Variants in SLC44A5 observed in about 807,000 individuals in gnomAD.
SLC44A5 encodes the protein choline transporter-like protein 5.
A neutral mutation model predicts 101.8 loss-of-function variants in SLC44A5; 57 were observed. The ratio of observed to expected loss-of-function variants is 0.56; its 90% CI spans 0.45 to 0.70. The LOEUF (loss-of-function observed/expected upper bound fraction) is 0.70, where lower values mean the gene tolerates loss of function less well. SLC44A5 is among the 30% of genes least tolerant of loss of function. SLC44A5 has a pLI of 0.00. For synonymous variants in SLC44A5, 281 were observed against 290.9 expected (o/e 0.97, Z 0.35); for missense variants, 737 against 853.1 (o/e 0.86, Z 1.70).
chr1:75,424,987 G>A (rs1664223729), intron 2 of SLC44A5, among the ~76,000 whole-genome samples: 1 of 152,144 alleles, frequency 6.6e-6, no homozygotes, highest in African/African-American at 2.4e-5. Context: ...TTTGGTGGTA[G>A]GAAGCATTTA....
intron 10 of SLC44A5, among the ~76,000 whole-genome samples, chr1:75,237,530 A>G (rs1201767501): frequency 6.6e-6 from 1 of 152,092 alleles, no homozygotes; most frequent in Non-Finnish European, 1.5e-5. Context: ...AAGTGAACAC[A>G]TTTATGTAAC....
chr1:75,269,215 C>T (rs549559702), intron 6 of SLC44A5, among the ~76,000 whole-genome samples: 1 of 151,856 alleles, frequency 6.6e-6, no homozygotes, highest in South Asian at 2.1e-4. Context: ...CATTATTGGC[C>T]ATTATATTAT....
chr1:75,395,921 T>G (rs1020906689), intron 3 of SLC44A5, among the ~76,000 whole-genome samples: 5 of 152,138 alleles, frequency 3.3e-5, no homozygotes, highest in African/African-American at 1.2e-4. Context: ...GTAAAAGTAC[T>G]TATTTATATA....
chr1:75,388,510 G>A (rs887537975), intron 3 of SLC44A5, among the ~76,000 whole-genome samples: 7 of 152,232 alleles, frequency 4.6e-5, no homozygotes, highest in Admixed American at 4.6e-4. Context: ...TCCATGTGCA[G>A]TGGCTCATGC....
At chr1:75,256,519 T>G (rs1176887300) in intron 6 of SLC44A5, among the ~76,000 whole-genome samples, 1 of 152,144 alleles carries the variant, frequency 6.6e-6, no homozygotes, top group Non-Finnish European at 1.5e-5. Flanking sequence ...GGCCTGACAG[T>G]GAATACAGTT....
intron 2 of SLC44A5, among the ~76,000 whole-genome samples, chr1:75,513,908 C>T (rs1669691307): frequency 6.6e-6 from 1 of 152,202 alleles, no homozygotes; most frequent in African/African-American, 2.4e-5. Context: ...TCATAGTTCA[C>T]TGCAGCCTTG....
At chr1:75,396,731 C>T (rs1662149470) in intron 2 of SLC44A5, 110 bp from the exon 3 acceptor site, 1 of 821,192 alleles carries the variant, frequency 1.2e-6, no homozygotes, top group South Asian at 1.4e-5. Flanking sequence ...GACTAACACA[C>T]AAAATAACAT....
chr1:75,407,609 G>A (rs577805841), intron 2 of SLC44A5, among the ~76,000 whole-genome samples: 1 of 152,266 alleles, frequency 6.6e-6, no homozygotes, highest in African/African-American at 2.4e-5. Context: ...AAGCAATGGG[G>A]AAAGGATTCC....
At chr1:75,521,997 G>A (rs1670155251) in intron 2 of SLC44A5, 1 of 152,352 alleles carries the variant, frequency 6.6e-6, no homozygotes, top group African/African-American at 2.4e-5. Context: ...AAAACAGGAA[G>A]AGAAGGAGCA....
chr1:75,676,850 A>G, the SLC44A5 span, among the ~76,000 whole-genome samples: 1 of 152,234 alleles, frequency 6.6e-6, no homozygotes, highest in Non-Finnish European at 1.5e-5. Flanking sequence ...CGTCAAGGAT[A>G]AAGAAAGGAT....
chr1:75,644,866 T>C, the SLC44A5 span, among the ~76,000 whole-genome samples: 9 of 140,392 alleles, frequency 6.4e-5, no homozygotes, highest in African/African-American at 2.1e-4. Flanking sequence ...AATTCCCACC[T>C]ATGAGTGAGA....
chr1:75,611,593 A>C (rs192083610), upstream of SLC44A5, among the ~76,000 whole-genome samples: 2 of 152,342 alleles, frequency 1.3e-5, no homozygotes, highest in Admixed American at 6.5e-5. Flanking sequence ...ATCCATCAGA[A>C]CAACCTGACA....
chr1:75,250,231 T>C (rs569347419), intron 7 of SLC44A5, among the ~76,000 whole-genome samples: 1 of 152,284 alleles, frequency 6.6e-6, no homozygotes, highest in Admixed American at 6.5e-5. Flanking sequence ...TAGCTGTCAC[T>C]TATAAGTGAG....
intron 2 of SLC44A5, among the ~76,000 whole-genome samples, chr1:75,455,110 A>G (rs1666114041): frequency 6.6e-6 from 1 of 152,074 alleles, no homozygotes; most frequent in Non-Finnish European, 1.5e-5. Flanking sequence ...CACATTACCA[A>G]ACTTCAAACT....
At chr1:75,655,649 C>T in the SLC44A5 span, among the ~76,000 whole-genome samples, 4 of 152,158 alleles carry the variant, frequency 2.6e-5, no homozygotes, top group Non-Finnish European at 5.9e-5. Flanking sequence ...CAGAGAGACA[C>T]TCCTTCCAAC....
Position 75,415,304 on chromosome 1 carries a change from C to T in SLC44A5, c.14-18683G>A, listed in dbSNP as rs372686456. Among the ~76,000 whole-genome samples, 18 of 152,194 alleles carry T rather than the reference C, an allele frequency of 1.2e-4. No individual in the cohort carries two copies. The East Asian group carries it at 1.5e-3, about 13-fold the overall frequency. On this transcript the variant is annotated intron_variant, in intron 2 of 23. Coordinates refer to ENST00000370859, the MANE Select transcript of SLC44A5 (RefSeq NM_001130058.2). The stretch of plus-strand genomic sequence containing the variant: ...TTCTCATGATAGTGAGTGGGACTGA[C>T]GAGATCTGATGGGTTTAAAAATGGG...
At chr1:75,502,489 A>G (rs1669014912) in intron 2 of SLC44A5, among the ~76,000 whole-genome samples, 1 of 152,196 alleles carries the variant, frequency 6.6e-6, no homozygotes, top group African/African-American at 2.4e-5. Flanking sequence ...TGGACCCTCA[A>G]TTAATAATCA....
intron 3 of SLC44A5, among the ~76,000 whole-genome samples, chr1:75,390,375 A>C (rs895442082): frequency 4.0e-5 from 6 of 150,822 alleles, no homozygotes; most frequent in African/African-American, 1.5e-4. Flanking sequence ...CTCCAGGCCA[A>C]TACCCTTGAT....
At chr1:75,405,230 G>A (rs1662770621) in intron 2 of SLC44A5, among the ~76,000 whole-genome samples, 1 of 152,132 alleles carries the variant, frequency 6.6e-6, no homozygotes, top group Admixed American at 6.6e-5. Context: ...CCTACAAAGA[G>A]ACTTAGACCC....
Sources: gnomAD v4.1 joint callset for allele counts (sites outside exome capture counted in the v4.1 genomes callset) on GRCh38, gnomAD v4.1.1 for gene constraint, MANE v1.5 for transcripts, NCBI Gene and HGNC (gene_info 2026-07-23, HGNC 2026-07-21) for gene names.